The following BMS1 variants were observed in gnomAD, a reference collection of about 807,000 sequenced individuals.
BMS1 encodes BMS1 ribosome biogenesis factor, also known as ribosome biogenesis protein BMS1 homolog.
BMS1 carries 53 observed loss-of-function variants against 138.7 expected under a neutral mutation model. The ratio of observed to expected loss-of-function variants is 0.38; its 90% confidence interval spans 0.31 to 0.48. The LOEUF (loss-of-function observed/expected upper bound fraction) is 0.48, where lower values mean the gene tolerates loss of function less well. Ranked by LOEUF, BMS1 falls within the 20% of genes least tolerant of loss-of-function variation. The pLI, the probability that BMS1 is intolerant of heterozygous loss-of-function variation, is 0.97. For missense variants in BMS1, 1,360 were observed against 1,565.5 expected, an observed-to-expected ratio of 0.87 and a Z score of 2.22; for synonymous variants, 504 against 539.9, an observed-to-expected ratio of 0.93 and a Z score of 0.92.
In BMS1 at chr10:42,793,032, G is replaced by T. The variant is rs374294179; in HGVS notation, c.977G>T (p.Arg326Leu). Residue 326 changes from arginine (R) to leucine (L), a missense_variant, in exon 8 of 23, where the codon CGC (arginine) becomes CTC (leucine). Physicochemically the swap from Arg to Leu is moderately radical, Grantham distance 102. Around this residue, in one of 3 missense-constraint regions of BMS1, gnomAD observed 697 missense variants for 686.2 expected, o/e 1.02. Coordinates refer to ENST00000374518, the MANE Select transcript of BMS1 (RefSeq NM_014753.4). Reference protein sequence around the residue: ...PCALPEQQKKRCLNEKEKLVY... With the variant: ...PCALPEQQKKLCLNEKEKLVY... Reference sequence around the variant, plus strand: ...GCTCTTCCTGAACAACAAAAGAAGCGCTGTTTAAATGAGAAGGAGAAGCTG... The same window carrying T: ...GCTCTTCCTGAACAACAAAAGAAGCTCTGTTTAAATGAGAAGGAGAAGCTG... The T allele has an allele frequency of 3.7e-6, 6 of 1,614,046 alleles. No individual in the cohort carries two copies. The highest frequency in any genetic ancestry group is 1.3e-5 in the African/African-American group (1 of 75,014).
Position 42,834,122 on chromosome 10 carries a change from G to C in BMS1, c.*3026G>C, listed in dbSNP as rs1287954335. On this transcript the variant is annotated 3_prime_UTR_variant, in exon 23 of 23. Coordinates refer to ENST00000374518, the MANE Select transcript of BMS1 (RefSeq NM_014753.4). The stretch of plus-strand genomic sequence containing the variant: ...TAGGCACAGGCAGCCATAGGTGCTA[G>C]GTATGTTTTGAAAACATATTGAACC... 2 of 152,128 alleles carry C rather than the reference G, an allele frequency of 1.3e-5. No homozygotes were observed. The highest frequency in any genetic ancestry group is 4.8e-5 in the African/African-American group (2 of 41,414). 9.4% of individuals were successfully genotyped at this position (152,128 alleles called of 1,614,324 possible).
intron 13 of BMS1, among the ~76,000 whole-genome samples, chr10:42,810,130 C>T (rs1349511380): frequency 5.3e-5 from 8 of 151,968 alleles, no homozygotes. Context: ...TTGAAGCAGA[C>T]TTGCATACCT....
At position 42,796,543 on chromosome 10, in the gene BMS1, C is replaced by T. The variant is rs771130731; in HGVS notation, c.1299C>T (p.Phe433=). 39 of 1,613,930 alleles carry T rather than the reference C, an allele frequency of 2.4e-5. No individual in the cohort carries two copies. The highest frequency in any genetic ancestry group is 4.0e-5 in the African/African-American group (3 of 74,868). Residue 433 remains phenylalanine (F), a synonymous_variant, in exon 10 of 23, where the codon TTC becomes TTT. Coordinates refer to ENST00000374518, the MANE Select transcript of BMS1 (RefSeq NM_014753.4). ...GTCGAATGCGTCGGAAAGCCATTTT[C>T]GGAGATGAAGATGAATCTGGAGATA... ...NTGRMRRKAI[F]GDEDESGDSD...
At chr10:42,807,166 T>C (rs536649873) in intron 13 of BMS1, among the ~76,000 whole-genome samples, 1 of 152,214 alleles carries the variant, frequency 6.6e-6, no homozygotes, top group African/African-American at 2.4e-5. Flanking sequence ...CTTGTATTGC[T>C]GTTTTATAAA....
Position 42,820,594 on chromosome 10 carries a change from G to C in BMS1, c.2856G>C (p.Gln952His), listed in dbSNP as rs1181329908. 6.2e-7 allele frequency: 1 copy of C among 1,611,834 alleles called. No homozygotes were observed. Among genetic ancestry groups the C allele is most frequent in the Non-Finnish European group, 8.5e-7 (1 of 1,179,762 alleles). ...IIFSVGWRRF[Q>H]TIPLYYIEDH... Reference sequence around the variant, plus strand: ...TTTCTGTAGGGTGGAGGAGGTTTCAGACCATCCCACTGTATTATATCGAAG... The same window carrying C: ...TTTCTGTAGGGTGGAGGAGGTTTCACACCATCCCACTGTATTATATCGAAG... Residue 952 changes from glutamine (Q) to histidine (H), a missense_variant, in exon 17 of 23, where the codon CAG becomes CAC. By Grantham distance (24) the Gln-to-His change is conservative. Coordinates refer to ENST00000374518, the MANE Select transcript of BMS1 (RefSeq NM_014753.4).
chr10:42,788,133 A>T (rs1225981176), intron 4 of BMS1, among the ~76,000 whole-genome samples: 1 of 152,212 alleles, frequency 6.6e-6, no homozygotes, highest in African/African-American at 2.4e-5. Flanking sequence ...AAGTTGTGCC[A>T]TTGTAATGTC....
intron 9 of BMS1, among the ~76,000 whole-genome samples, chr10:42,794,375 T>G (rs118182883): frequency 6.6e-6 from 1 of 152,218 alleles, no homozygotes; most frequent in Non-Finnish European, 1.5e-5. Flanking sequence ...TTATTTAGAT[T>G]GTGTTGTATT....
At chr10:42,821,675 C>T (rs1246183754) in intron 18 of BMS1, among the ~76,000 whole-genome samples, 1 of 149,410 alleles carries the variant, frequency 6.7e-6, no homozygotes, top group Non-Finnish European at 1.5e-5. Flanking sequence ...GCCTTAGCTT[C>T]CTGAGTAGCT....
At chr10:42,815,996 T>A (rs1170162248) in intron 13 of BMS1, among the ~76,000 whole-genome samples, 1 of 152,176 alleles carries the variant, frequency 6.6e-6, no homozygotes, top group African/African-American at 2.4e-5. Context: ...TAGACCTCTG[T>A]GTCTTTCATA....
chr10:42,826,137 A>G (rs1354542712), intron 21 of BMS1, among the ~76,000 whole-genome samples: 1 of 152,092 alleles, frequency 6.6e-6, no homozygotes, highest in Non-Finnish European at 1.5e-5. Flanking sequence ...CGATGTATAA[A>G]GTTTTTGATG....
chr10:42,828,492 C>G (rs1298515980), intron 21 of BMS1, among the ~76,000 whole-genome samples: 5 of 152,190 alleles, frequency 3.3e-5, no homozygotes, highest in African/African-American at 7.2e-5. Flanking sequence ...CACCTGTGCT[C>G]TGCTTCAGTG....
intron 12 of BMS1, among the ~76,000 whole-genome samples, chr10:42,801,058 A>G (rs1460188808): frequency 6.6e-6 from 1 of 152,156 alleles, no homozygotes; most frequent in Non-Finnish European, 1.5e-5. Flanking sequence ...TTCTTGCTCT[A>G]TGATATGAGA....
Position 42,784,431 on chromosome 10 carries a change from A to G in BMS1, c.37A>G (p.Asn13Asp). 6.2e-7 allele frequency: 1 copy of G among 1,612,158 alleles called. No homozygotes were observed. Among genetic ancestry groups the G allele is most frequent in the Non-Finnish European group, 8.5e-7 (1 of 1,179,720 alleles). ...AKDQKKHRKKNSGPKAAKKKK... is the reference protein window; with the variant it reads ...AKDQKKHRKKDSGPKAAKKKK... ...GGACCAGAAGAAACACAGAAAGAAAAACAGTGGACCCAAAGCTGCAAAGAA... is the reference window on the plus strand; with the variant it reads ...GGACCAGAAGAAACACAGAAAGAAAGACAGTGGACCCAAAGCTGCAAAGAA... The change falls in exon 2 of 23, where the codon AAC (asparagine) becomes GAC (aspartate). Residue 13 changes from asparagine (N) to aspartate (D), a missense_variant. By Grantham distance (23) the Asn-to-Asp change is conservative. Coordinates refer to ENST00000374518, the MANE Select transcript of BMS1 (RefSeq NM_014753.4).
Position 42,792,505 on chromosome 10 carries a change from G to T in BMS1, c.792G>T (p.Leu264Phe). The part of the protein sequence containing the change: ...PYILADRMED[L>F]TNPEDIRTNI... ...TTTATTTTTCTAGGATGGAAGATTT[G>T]ACAAACCCAGAGGATATCCGAACAA... Residue 264 changes from leucine to phenylalanine, a missense_variant, in exon 7 of 23, where the codon TTG becomes TTT. Physicochemically the swap from Leu to Phe is conservative, Grantham distance 22. Around this residue, in one of 3 missense-constraint regions of BMS1, gnomAD observed 697 missense variants for 686.2 expected, o/e 1.02. Coordinates refer to ENST00000374518, the MANE Select transcript of BMS1 (RefSeq NM_014753.4). 3 of 1,611,256 alleles carry T rather than the reference G, an allele frequency of 1.9e-6. No homozygotes were observed. Among genetic ancestry groups the T allele is most frequent in the South Asian group, 2.2e-5 (2 of 90,704 alleles).
At chr10:42,801,050 C>A (rs775549472) in intron 12 of BMS1, among the ~76,000 whole-genome samples, 1 of 152,184 alleles carries the variant, frequency 6.6e-6, no homozygotes, top group Non-Finnish European at 1.5e-5. Flanking sequence ...TTTATCAATT[C>A]TTGCTCTATG....
At chr10:42,830,055 T>C (rs1344624266) in intron 21 of BMS1, among the ~76,000 whole-genome samples, 2 of 152,134 alleles carry the variant, frequency 1.3e-5, no homozygotes, top group Admixed American at 1.3e-4. Context: ...GTAAGCTGTC[T>C]GTTCCTCTGT....
At chr10:42,806,660 G>A (rs148340952) in intron 13 of BMS1, among the ~76,000 whole-genome samples, 30 of 151,340 alleles carry the variant, frequency 2.0e-4, no homozygotes, top group African/African-American at 5.3e-4. Context: ...GCTTGAACCC[G>A]GAAGGCAGAG....
intron 21 of BMS1, among the ~76,000 whole-genome samples, chr10:42,829,774 T>A (rs192889953): frequency 7.9e-5 from 12 of 152,098 alleles, no homozygotes; most frequent in Non-Finnish European, 1.6e-4. Context: ...TGAGCCGAGA[T>A]CACGGCACTG....
intron 5 of BMS1, among the ~76,000 whole-genome samples, chr10:42,790,873 A>G (rs1841484866): frequency 6.6e-6 from 1 of 151,686 alleles, no homozygotes; most frequent in Non-Finnish European, 1.5e-5. Context: ...TACTAAAGAG[A>G]CATTACTAAA....
Sources: gnomAD v4.1 joint callset for allele counts (sites outside exome capture counted in the v4.1 genomes callset) on GRCh38, gnomAD v4.1.1 for gene constraint, gnomAD v4.1.1 regional missense constraint, MANE v1.5 for transcripts, NCBI Gene and HGNC (gene_info 2026-07-23, HGNC 2026-07-21) for gene names.